Variants in MIX23 observed in about 807,000 individuals in gnomAD.
MIX23 encodes the protein mitochondrial matrix import factor 23.
MIX23 carries 13 observed loss-of-function variants against 21.6 expected under a neutral mutation model. The observed-to-expected ratio is 0.60, with a 90% CI of 0.39 to 0.96. The LOEUF (loss-of-function observed/expected upper bound fraction) is 0.96, where lower values mean the gene tolerates loss of function less well. Ranked by LOEUF, MIX23 falls within the 40% of genes least tolerant of loss-of-function variation. MIX23 has a pLI of 0.00. For synonymous variants in MIX23, 59 were observed against 58.0 expected (o/e 1.02, Z -0.08); for missense variants, 144 against 171.2 (o/e 0.84, Z 0.89).
At chr3:122,363,856 A>G (rs1388783404) in intron 3 of MIX23, among the ~76,000 whole-genome samples, 4 of 148,634 alleles carry the variant, frequency 2.7e-5, no homozygotes, top group African/African-American at 1.0e-4. Flanking sequence ...CCATACTCCC[A>G]GTAGCATTTT....
At chr3:122,381,503 G>A (rs2075531213) in intron 1 of MIX23, among the ~76,000 whole-genome samples, 1 of 152,086 alleles carries the variant, frequency 6.6e-6, no homozygotes, top group Non-Finnish European at 1.5e-5. Flanking sequence ...AAAGGGGTGC[G>A]GATCACCTGA....
intron 1 of MIX23, among the ~76,000 whole-genome samples, chr3:122,377,966 G>A (rs2075501136): frequency 1.3e-5 from 2 of 152,346 alleles, no homozygotes; most frequent in African/African-American, 2.4e-5. Context: ...AAAAGGTAAT[G>A]TGGCTTAAGT....
At chr3:122,376,033 G>A (rs11711570) in intron 1 of MIX23, among the ~76,000 whole-genome samples, 10,022 of 151,286 alleles carry the variant, frequency 0.066, 451 homozygotes, top group Middle Eastern at 0.14. Flanking sequence ...ATGGTGGCGC[G>A]CACCTGTAAT....
At chr3:122,365,894 G>A (rs556974288) in intron 3 of MIX23, among the ~76,000 whole-genome samples, 22 of 152,006 alleles carry the variant, frequency 1.4e-4, no homozygotes, top group Non-Finnish European at 2.6e-4. Context: ...TCTATATGCC[G>A]GCTGGACACG....
At chr3:122,366,347 G>A (rs1288074392) in intron 3 of MIX23, 2 of 152,226 alleles carry the variant, frequency 1.3e-5, no homozygotes, top group African/African-American at 4.8e-5. Context: ...TGACGCAGTA[G>A]TCATGAACAA....
At chr3:122,360,379 A>AT (rs1393107363) in intron 4 of MIX23, among the ~76,000 whole-genome samples, 12 of 152,210 alleles carry the variant, frequency 7.9e-5, no homozygotes, top group Non-Finnish European at 1.5e-4. Flanking sequence ...GTTCTGATTT[A>AT]AAAAGATCTC....
chr3:122,380,459 T>C lies in MIX23; in HGVS notation c.51+2715A>G, dbSNP rs759338354. ...CCTGTAAGCATAAAAGAAACCATCA[T>C]TGATGCTAGAAAATAACCTATTTAG... On this transcript the variant is annotated intron_variant, in intron 1 of 4. Coordinates refer to ENST00000291458, the MANE Select transcript of MIX23 (RefSeq NM_001017928.4). Among the ~76,000 whole-genome samples, 76 of 152,334 alleles carry C rather than the reference T, an allele frequency of 5.0e-4. No individual in the cohort carries two copies. In the Middle Eastern group the frequency reaches 0.01, roughly 20 times the overall value.
In MIX23 at chr3:122,368,010, C is replaced by T. The variant is rs188398478; in HGVS notation, c.324+166G>A. ...TGCACATTAATTTACCAATTAATAA[C>T]TAAACATAATAAAATAAAGCTCACT... On this transcript the variant is annotated intron_variant, in intron 3 of 4. Coordinates refer to ENST00000291458, the MANE Select transcript of MIX23 (RefSeq NM_001017928.4). 5 of 621,078 alleles carry T rather than the reference C, an allele frequency of 8.1e-6. No individual in the cohort carries two copies. In the African/African-American group the frequency reaches 9.3e-5, roughly 12 times the overall value. The allele number at this position is 621,078 out of a possible 1,614,324, so 38.5% of individuals were successfully genotyped here.
At chr3:122,373,333 G>A (rs1360450183) in intron 1 of MIX23, among the ~76,000 whole-genome samples, 1 of 151,586 alleles carries the variant, frequency 6.6e-6, no homozygotes, top group Non-Finnish European at 1.5e-5. Context: ...GTGCAGTGGC[G>A]CGATCTTGGC....
At chr3:122,360,649 T>A (rs1188087472) in intron 4 of MIX23, among the ~76,000 whole-genome samples, 1 of 152,126 alleles carries the variant, frequency 6.6e-6, no homozygotes, top group Non-Finnish European at 1.5e-5. Context: ...ATTTTAAGTG[T>A]CCAATTATAA....
intron 4 of MIX23, among the ~76,000 whole-genome samples, chr3:122,361,076 C>T (rs1327076978): frequency 1.3e-5 from 2 of 152,146 alleles, no homozygotes; most frequent in African/African-American, 4.8e-5. Context: ...AACTCCTGAC[C>T]TCAAGAGACC....
intron 3 of MIX23, among the ~76,000 whole-genome samples, chr3:122,364,663 T>C (rs973862255): frequency 1.3e-5 from 2 of 152,138 alleles, no homozygotes; most frequent in Non-Finnish European, 2.9e-5. Flanking sequence ...AATCCTCCCC[T>C]GTCACAACAC....
At chr3:122,362,733 C>T (rs2075366968) in intron 4 of MIX23, among the ~76,000 whole-genome samples, 1 of 152,126 alleles carries the variant, frequency 6.6e-6, no homozygotes, top group African/African-American at 2.4e-5. Context: ...AGCCACCTCG[C>T]CTGGCCCTGT....
At chr3:122,380,379 C>G (rs1277377222) in intron 1 of MIX23, among the ~76,000 whole-genome samples, 1 of 152,208 alleles carries the variant, frequency 6.6e-6, no homozygotes, top group African/African-American at 2.4e-5. Flanking sequence ...AACTTGTCTA[C>G]AACTGCCAGA....
intron 4 of MIX23, among the ~76,000 whole-genome samples, 155 bp downstream of exon 4, chr3:122,362,813 A>ACCC (rs2075368221): frequency 7.1e-6 from 1 of 140,822 alleles, no homozygotes; most frequent in African/African-American, 2.7e-5. Context: ...CCTCCCCCCA[A>ACCC]CCCCAAAAGG....
chr3:122,370,380 C>A (rs891679330), intron 2 of MIX23, among the ~76,000 whole-genome samples: 7 of 145,112 alleles, frequency 4.8e-5, no homozygotes, highest in African/African-American at 1.8e-4. Context: ...TCATTTGAAC[C>A]CAGGAGGTGG....
chr3:122,364,853 C>T (rs878899940), intron 3 of MIX23, among the ~76,000 whole-genome samples: 1 of 152,128 alleles, frequency 6.6e-6, no homozygotes, highest in Non-Finnish European at 1.5e-5. Flanking sequence ...ACATGCCCCC[C>T]AGAAATAAGA....
At position 122,359,859 on chromosome 3, in the gene MIX23, G is replaced by GAAA; in HGVS notation, c.*9_*10insTTT. The GAAA allele has an allele frequency of 1.9e-6, 1 of 538,290 alleles. No homozygotes were observed. Among genetic ancestry groups the GAAA allele is most frequent in the Non-Finnish European group, 2.4e-6 (1 of 409,806 alleles). The allele number at this position is 538,290 out of a possible 1,614,324, so 33.3% of individuals were successfully genotyped here. ...AAAAAAAAAAAAAAAAAAAAAAAAA[G>GAAA]AATCTCTCTTTATTCATTCTTTGGA... On this transcript the variant is annotated 3_prime_UTR_variant, in exon 5 of 5. Coordinates refer to ENST00000291458, the MANE Select transcript of MIX23 (RefSeq NM_001017928.4).
chr3:122,381,372 G>C (rs893713520), intron 1 of MIX23, among the ~76,000 whole-genome samples: 1 of 152,148 alleles, frequency 6.6e-6, no homozygotes, highest in Non-Finnish European at 1.5e-5. Context: ...ATGTAATAAA[G>C]GTTAAACAGA....
Sources: gnomAD v4.1 joint callset for allele counts (sites outside exome capture counted in the v4.1 genomes callset) on GRCh38, gnomAD v4.1.1 for gene constraint, MANE v1.5 for transcripts, NCBI Gene and HGNC (gene_info 2026-07-23, HGNC 2026-07-21) for gene names.